ZNF420: variants seen among roughly 807,000 people sequenced by gnomAD.
ZNF420 encodes the protein zinc finger protein 420.
A neutral mutation model predicts 44.7 loss-of-function variants in ZNF420; 31 were observed. The observed-to-expected ratio is 0.69, with a 90% CI of 0.52 to 0.94. The LOEUF (loss-of-function observed/expected upper bound fraction) is 0.94. Among genes scored for constraint, ZNF420 ranks in the 40% least tolerant of loss-of-function variants. ZNF420 has a pLI of 0.00. For missense variants in ZNF420, 681 were observed against 827.9 expected, an observed-to-expected ratio of 0.82 and a Z score of 2.18; for synonymous variants, 245 against 267.4, an observed-to-expected ratio of 0.92 and a Z score of 0.82.
At chr19:37,042,378 G>A (rs1317247763) in intron 1 of ZNF420, among the ~76,000 whole-genome samples, 1 of 152,168 alleles carries the variant, frequency 6.6e-6, no homozygotes, top group Non-Finnish European at 1.5e-5. Flanking sequence ...TTTTCATATA[G>A]TCTTTAATGT....
Position 37,129,223 on chromosome 19 carries a change from C to A in ZNF420, c.*165C>A. 1 of 840,152 alleles carries A rather than the reference C, an allele frequency of 1.2e-6. No homozygotes were observed. The highest frequency in any genetic ancestry group is 1.8e-6 in the Non-Finnish European group (1 of 550,010). 52.0% of individuals were successfully genotyped at this position (840,152 alleles called of 1,614,324 possible). A position where few individuals can be genotyped will look rare whatever the true frequency, so the allele number is the denominator to read the frequency against. ...TCATTCATATAGAAAAACATCATTA[C>A]TGGAAACCTATTAAACATTAGCAAA... On this transcript the variant is annotated 3_prime_UTR_variant, in exon 5 of 5. Coordinates refer to ENST00000337995, the MANE Select transcript of ZNF420 (RefSeq NM_144689.5).
intron 4 of ZNF420, among the ~76,000 whole-genome samples, chr19:37,121,205 T>C (rs74997435): frequency 0.49 from 65,478 of 134,880 alleles, 16,464 homozygotes; most frequent in African/African-American, 0.57. Context: ...GGAGGCATCA[T>C]GCTACCTGAC....
intron 1 of ZNF420, among the ~76,000 whole-genome samples, chr19:37,013,881 G>A (rs191104370): frequency 2.0e-5 from 3 of 152,328 alleles, no homozygotes; most frequent in East Asian, 1.9e-4. Flanking sequence ...GCGACCACAC[G>A]TGGCACTGGC....
intron 1 of ZNF420, among the ~76,000 whole-genome samples, chr19:37,056,490 C>T (rs1020974465): frequency 6.6e-6 from 1 of 152,176 alleles, no homozygotes; most frequent in Non-Finnish European, 1.5e-5. Context: ...CGCCCCTGTC[C>T]CTGTTTGCAC....
upstream of ZNF420, among the ~76,000 whole-genome samples, chr19:37,076,599 C>T (rs1968160407): frequency 6.6e-6 from 1 of 152,122 alleles, no homozygotes; most frequent in African/African-American, 2.4e-5. Flanking sequence ...GTTCAATTCC[C>T]ACCTATGAGT....
chr19:37,041,198 C>T (rs928073133), intron 1 of ZNF420, among the ~76,000 whole-genome samples: 1 of 151,686 alleles, frequency 6.6e-6, no homozygotes, highest in Non-Finnish European at 1.5e-5. Context: ...TGGCACACTC[C>T]TGGAAATTCT....
intron 1 of ZNF420, among the ~76,000 whole-genome samples, chr19:37,045,953 C>G (rs1016871501): frequency 2.0e-5 from 3 of 152,198 alleles, no homozygotes; most frequent in African/African-American, 4.8e-5. Context: ...GCACTTCTTA[C>G]ATGGCAGTGG....
rs147475449 is a variant in ZNF420, at chr19:37,128,751, A to G, written c.1760A>G (p.Tyr587Cys). The change falls in exon 5 of 5, where the codon TAT becomes TGT. Residue 587 changes from tyrosine to cysteine, a missense_variant. Physicochemically the swap from Tyr to Cys is radical, Grantham distance 194 (BLOSUM62 -2). Transcript: ENST00000337995. ...CGAATTCACACTGGAGAAAAACCCT[A>G]TGAATGCAAGGAGTGTGGCAAGGCC... Reference protein sequence around the residue: ...HQRIHTGEKPYECKECGKAFS... With the variant: ...HQRIHTGEKPCECKECGKAFS... 1.2e-4 allele frequency: 187 copies of G among 1,613,562 alleles called. 5 individuals carry two copies. The South Asian group carries it at 1.9e-3, about 17-fold the overall frequency.
chr19:37,076,172 T>C (rs897209859), upstream of ZNF420, among the ~76,000 whole-genome samples: 1 of 152,144 alleles, frequency 6.6e-6, no homozygotes, highest in Non-Finnish European at 1.5e-5. Context: ...TACTTTTAAG[T>C]GATAGCTTCC....
At chr19:37,014,403 C>T (rs1421059211) in intron 1 of ZNF420, among the ~76,000 whole-genome samples, 1 of 152,140 alleles carries the variant, frequency 6.6e-6, no homozygotes, top group African/African-American at 2.4e-5. Flanking sequence ...CCATGGGACC[C>T]GATTTCTGCC....
chr19:37,020,599 AT>A (rs1351268836), intron 1 of ZNF420, among the ~76,000 whole-genome samples: 1 of 152,148 alleles, frequency 6.6e-6, no homozygotes, highest in Non-Finnish European at 1.5e-5. Context: ...TCCTTACACC[AT>A]GTTCATAGCA....
chr19:37,128,581 C>G lies in ZNF420; in HGVS notation c.1590C>G (p.Pro530=). 2 of 1,612,740 alleles carry G rather than the reference C, an allele frequency of 1.2e-6. No individual in the cohort carries two copies. Among genetic ancestry groups the G allele is most frequent in the South Asian group, 1.1e-5 (1 of 90,996 alleles). Residue 530 remains proline (P), a synonymous_variant, in exon 5 of 5, where the codon CCC becomes CCG. Transcript: ENST00000337995. ...AAAGACTTCACACTGGTGAGAAACC[C>G]TATGTGTGTAATGAATGTGGAAAGG... is the stretch of plus-strand genomic sequence containing the variant. The part of the protein sequence containing the change: ...QHQRLHTGEK[P]YVCNECGKAF...
intron 1 of ZNF420, among the ~76,000 whole-genome samples, chr19:37,053,261 G>A (rs184605652): frequency 0.016 from 2,372 of 152,172 alleles, 48 homozygotes; most frequent in Admixed American, 0.055. Flanking sequence ...TTATCCATTA[G>A]TCTAATTTTT....
intron 4 of ZNF420, among the ~76,000 whole-genome samples, chr19:37,105,714 G>C (rs1970040717): frequency 6.6e-6 from 1 of 152,182 alleles, no homozygotes; most frequent in Admixed American, 6.5e-5. Context: ...ATTTCACTGA[G>C]CAGTGGTTTG....
intron 4 of ZNF420, among the ~76,000 whole-genome samples, chr19:37,122,658 G>A (rs574424941): frequency 1.9e-4 from 29 of 152,054 alleles, no homozygotes; most frequent in Admixed American, 1.8e-3. Flanking sequence ...CTGGGGTTCC[G>A]TGCTCTCTTA....
Position 37,127,572 on chromosome 19 carries a change from C to A in ZNF420, c.581C>A (p.Pro194His). The change falls in exon 5 of 5, where the codon CCC becomes CAC. Residue 194 changes from proline (P) to histidine (H), a missense_variant. Around this residue, in one of 3 missense-constraint regions of ZNF420, gnomAD observed 350 missense variants for 382.5 expected, o/e 0.92. Coordinates refer to ENST00000337995, the MANE Select transcript of ZNF420 (RefSeq NM_144689.5). ...CAGAGACTTCATACTGGTGAGAAAC[C>A]CTATGCATGTAAGGAATGTGGGAAG... ...LHQRLHTGEK[P>H]YACKECGKAF... 6.2e-7 allele frequency: 1 copy of A among 1,613,928 alleles called. No individual in the cohort carries two copies. Among genetic ancestry groups the A allele is most frequent in the Non-Finnish European group, 8.5e-7 (1 of 1,179,920 alleles).
chr19:37,036,325 T>C (rs973720301), intron 1 of ZNF420, among the ~76,000 whole-genome samples: 2 of 152,236 alleles, frequency 1.3e-5, no homozygotes, highest in African/African-American at 4.8e-5. Context: ...TGTATGCATG[T>C]ATCAAAATAT....
intron 1 of ZNF420, among the ~76,000 whole-genome samples, chr19:37,054,201 G>A (rs141807295): frequency 1.3e-5 from 2 of 152,352 alleles, no homozygotes; most frequent in East Asian, 1.9e-4. Context: ...TGCTAAGGCC[G>A]TTGGAAAAGC....
At position 37,089,112 on chromosome 19, in the gene ZNF420, A is replaced by C; in HGVS notation, c.-7A>C. 1 of 1,612,536 alleles carries C rather than the reference A, an allele frequency of 6.2e-7. No homozygotes were observed. Among genetic ancestry groups the C allele is most frequent in the African/African-American group, 1.3e-5 (1 of 75,012 alleles). ...AGGACTGATCATTTCTTGCAGCTCT[A>C]AAAACCATGGCTCGGGTAAATTGGA... On this transcript the variant is annotated 5_prime_UTR_variant, in exon 3 of 5. An upstream open reading frame in the 5' UTR loses its in-frame stop. Coordinates refer to ENST00000337995, the MANE Select transcript of ZNF420 (RefSeq NM_144689.5).
Sources: gnomAD v4.1 joint callset for allele counts (sites outside exome capture counted in the v4.1 genomes callset) on GRCh38, gnomAD v4.1.1 for gene constraint, gnomAD v4.1.1 regional missense constraint, MANE v1.5 for transcripts, NCBI Gene and HGNC (gene_info 2026-07-23, HGNC 2026-07-21) for gene names.